Variants in ARPP21 observed in about 807,000 individuals in gnomAD.
The protein encoded by ARPP21 is cAMP regulated phosphoprotein 21, also known as cAMP-regulated phosphoprotein 21.
ARPP21 carries 69 observed loss-of-function variants against 113.2 expected under a neutral mutation model. The ratio of observed to expected loss-of-function variants is 0.61; its 90% CI spans 0.50 to 0.74. The LOEUF is 0.74. Ranked by LOEUF, ARPP21 falls within the 30% of genes least tolerant of loss-of-function variation. The pLI is 0.00. For missense variants in ARPP21, 1,070 were observed against 1,037.4 expected, an observed-to-expected ratio of 1.03 and a Z score of -0.43; for synonymous variants, 368 against 375.5, an observed-to-expected ratio of 0.98 and a Z score of 0.23.
intron 15 of ARPP21, among the ~76,000 whole-genome samples, chr3:35,735,119 C>CT (rs1335682244): frequency 1.3e-5 from 2 of 151,838 alleles, no homozygotes; most frequent in Non-Finnish European, 2.9e-5. Flanking sequence ...GTCTGTCTTC[C>CT]TTTTTTATTT....
chr3:35,665,585 T>C (rs972540942), intron 1 of ARPP21, among the ~76,000 whole-genome samples: 37 of 152,178 alleles, frequency 2.4e-4, no homozygotes, highest in African/African-American at 8.4e-4. Flanking sequence ...AAAACATTCA[T>C]TTGGAGGTAA....
chr3:35,716,787 G>A (rs2092464115), intron 12 of ARPP21, among the ~76,000 whole-genome samples: 1 of 151,654 alleles, frequency 6.6e-6, no homozygotes, highest in South Asian at 2.1e-4. Flanking sequence ...CTTATATTAT[G>A]TTGGATTATA....
intron 19 of ARPP21, among the ~76,000 whole-genome samples, chr3:35,753,161 C>A (rs922680772): frequency 4.0e-5 from 6 of 151,252 alleles, no homozygotes; most frequent in Admixed American, 3.3e-4. Context: ...TACGGTGCTT[C>A]AGGTAAAGTT....
chr3:35,652,563 C>T (rs1437125487), intron 1 of ARPP21, among the ~76,000 whole-genome samples: 1 of 152,130 alleles, frequency 6.6e-6, no homozygotes, highest in African/African-American at 2.4e-5. Flanking sequence ...TAGGCTTAAG[C>T]AGGGATCAAA....
intron 19 of ARPP21, among the ~76,000 whole-genome samples, chr3:35,784,209 A>G (rs9832800): frequency 0.52 from 78,741 of 152,112 alleles, 23,190 homozygotes; most frequent in African/African-American, 0.81. Context: ...GAATCAAAGC[A>G]ACAAAAATGT....
chr3:35,706,470 C>T (rs2089109570), intron 9 of ARPP21, among the ~76,000 whole-genome samples: 2 of 152,134 alleles, frequency 1.3e-5, no homozygotes, highest in African/African-American at 2.4e-5. Flanking sequence ...CCAGAGCTTT[C>T]GTTATTGGAG....
intron 1 of ARPP21, among the ~76,000 whole-genome samples, chr3:35,671,981 T>C (rs2076445915): frequency 6.6e-6 from 1 of 152,108 alleles, no homozygotes; most frequent in Non-Finnish European, 1.5e-5. Flanking sequence ...CTTTTATCTT[T>C]AATGAGAATA....
At chr3:35,673,415 C>G (rs546374524) in intron 1 of ARPP21, among the ~76,000 whole-genome samples, 2 of 152,002 alleles carry the variant, frequency 1.3e-5, no homozygotes, top group South Asian at 2.1e-4. Context: ...AAGGAGGGAG[C>G]TGAGGTCATA....
At chr3:35,767,669 G>A (rs1323069357) in intron 19 of ARPP21, among the ~76,000 whole-genome samples, 1 of 152,018 alleles carries the variant, frequency 6.6e-6, no homozygotes, top group African/African-American at 2.4e-5. Context: ...TAACAAGAAG[G>A]GACTTATATG....
intron 1 of ARPP21, among the ~76,000 whole-genome samples, chr3:35,666,261 AT>A (rs2074339894): frequency 6.6e-6 from 1 of 151,946 alleles, no homozygotes; most frequent in African/African-American, 2.4e-5. Flanking sequence ...TTTTCTGAAA[AT>A]TTTTTACTGG....
intron 1 of ARPP21, among the ~76,000 whole-genome samples, chr3:35,652,195 A>G (rs1240217187): frequency 6.6e-6 from 1 of 152,080 alleles, no homozygotes; most frequent in East Asian, 1.9e-4. Flanking sequence ...TGATTCACAG[A>G]GGTCTCCTAG....
chr3:35,720,148 A>G (rs2092911533), intron 13 of ARPP21, among the ~76,000 whole-genome samples: 1 of 151,246 alleles, frequency 6.6e-6, no homozygotes, highest in Non-Finnish European at 1.5e-5. Context: ...GAACAGAGAG[A>G]ATGTAAAATA....
rs201788798 is a variant in ARPP21 at position 35,659,768 on chromosome 3, GT to G, written c.-213+19373del. On this transcript the variant is annotated intron_variant, in intron 1 of 20. Transcript: ENST00000684406. ...TAATTCATCACATGTTGTAAGATGA[GT>G]TTCTCAAAAGGAGAAAACCTTTAGA... Among the ~76,000 whole-genome samples the G allele has an allele frequency of 6.1e-3, 936 of 152,298 alleles. 9 individuals carry two copies. Among genetic ancestry groups the G allele is most frequent in the African/African-American group, 0.021 (878 of 41,564 alleles).
chr3:35,775,846 G>A lies in ARPP21; in HGVS notation c.2138-16536G>A, dbSNP rs551975012. ...GTAATATGTTTTTCTGTGGATAAGT[G>A]CTTGCAGTGAGCAGCATAAATGCTT... is the stretch of plus-strand genomic sequence containing the variant. On this transcript the variant is annotated intron_variant, in intron 19 of 20. Transcript: ENST00000684406. Among the ~76,000 whole-genome samples, 6 of 152,150 alleles carry A rather than the reference G, an allele frequency of 3.9e-5. No individual in the cohort carries two copies. The East Asian group carries it at 1.2e-3, about 29-fold the overall frequency.
At chr3:35,718,965 T>C (rs918617927) in intron 13 of ARPP21, among the ~76,000 whole-genome samples, 1 of 151,746 alleles carries the variant, frequency 6.6e-6, no homozygotes, top group African/African-American at 2.4e-5. Flanking sequence ...TTCAATTATG[T>C]TAATCAGCAC....
At chr3:35,771,974 A>T (rs2096218644) in intron 19 of ARPP21, among the ~76,000 whole-genome samples, 1 of 152,236 alleles carries the variant, frequency 6.6e-6, no homozygotes, top group South Asian at 2.1e-4. Context: ...ACCTTAAGAA[A>T]ATCTAATTCA....
intron 1 of ARPP21, among the ~76,000 whole-genome samples, chr3:35,650,964 T>G (rs1196597277): frequency 6.6e-6 from 1 of 152,142 alleles, no homozygotes; most frequent in Non-Finnish European, 1.5e-5. Context: ...AAAAGACAAG[T>G]TATTCTTTGA....
At chr3:35,657,071 C>T (rs569003821) in intron 1 of ARPP21, among the ~76,000 whole-genome samples, 1 of 152,082 alleles carries the variant, frequency 6.6e-6, no homozygotes, top group Admixed American at 6.6e-5. Flanking sequence ...AACTGTGTTA[C>T]CCCTGGTACC....
At chr3:35,721,216 C>G (rs933197058) in intron 13 of ARPP21, among the ~76,000 whole-genome samples, 1 of 152,186 alleles carries the variant, frequency 6.6e-6, no homozygotes, top group African/African-American at 2.4e-5. Context: ...CTTTTAGAAT[C>G]ATTTAAGATC....
Sources: gnomAD v4.1 joint callset for allele counts (sites outside exome capture counted in the v4.1 genomes callset) on GRCh38, gnomAD v4.1.1 for gene constraint, MANE v1.5 for transcripts, NCBI Gene and HGNC (gene_info 2026-07-23, HGNC 2026-07-21) for gene names.